Variants in ACTR3C observed in about 807,000 individuals in gnomAD.
The protein encoded by ACTR3C is actin related protein 3C.
In ACTR3C, 18 loss-of-function variants were observed where a neutral mutation model predicts 26.3. The ratio of observed to expected loss-of-function variants is 0.68; its 90% confidence interval spans 0.47 to 1.01. The LOEUF is 1.01. Ranked by LOEUF, ACTR3C falls within the 50% of genes least tolerant of loss-of-function variation. The pLI is 0.00. For synonymous variants in ACTR3C, 55 were observed against 94.5 expected (o/e 0.58, Z 2.42); for missense variants, 184 against 250.7 (o/e 0.73, Z 1.80).
chr7:150,159,048 C>CTCAGGCACACACACACA, the ACTR3C span, among the ~76,000 whole-genome samples: 1 of 149,262 alleles, frequency 6.7e-6, no homozygotes, highest in Non-Finnish European at 1.5e-5. Context: ...AGGCACACAC[C>CTCAGGCACACACACACA]GTGGCAACAA....
chr7:150,072,991 A>G, the ACTR3C span, among the ~76,000 whole-genome samples: 2 of 152,252 alleles, frequency 1.3e-5, no homozygotes, highest in Non-Finnish European at 2.9e-5. Context: ...TGAAAACCAC[A>G]GCGGAGGAAA....
At chr7:149,974,849 T>C in the ACTR3C span, among the ~76,000 whole-genome samples, 1 of 151,900 alleles carries the variant, frequency 6.6e-6, no homozygotes, top group African/African-American at 2.4e-5. Context: ...ATTACTATAA[T>C]TGTGAGAAAT....
chr7:150,020,595 C>A, the ACTR3C span, among the ~76,000 whole-genome samples: 2 of 151,972 alleles, frequency 1.3e-5, no homozygotes, highest in African/African-American at 4.8e-5. Flanking sequence ...CCACACCTGG[C>A]TATCAGTGGA....
the ACTR3C span, among the ~76,000 whole-genome samples, chr7:150,099,816 A>G: frequency 2.0e-5 from 3 of 151,468 alleles, no homozygotes; most frequent in Admixed American, 6.6e-5. Flanking sequence ...TAAAGCCTGG[A>G]GTCCATCAGT....
the ACTR3C span, among the ~76,000 whole-genome samples, chr7:150,046,528 G>A: frequency 1.5e-4 from 23 of 150,612 alleles, no homozygotes; most frequent in African/African-American, 5.7e-4. Context: ...GCGGTTCCCA[G>A]GTTGAGCAGT....
rs1301583586 is a variant in ACTR3C at position 150,322,314 on chromosome 7, C to G, written c.-52+1155G>C. 3.9e-5 allele frequency among the ~76,000 whole-genome samples: 6 copies of G among 152,214 alleles called. No individual in the cohort carries two copies. In the South Asian group the frequency reaches 1.2e-3, roughly 31 times the overall value. ...AGGCATTCTAAGTCACAGGATGAGA[C>G]AGAAGGTTGGCACAAGATACAGGTC... On this transcript the variant is annotated intron_variant, in intron 1 of 7. Transcript: ENST00000683684.
chr7:149,961,727 G>T, the ACTR3C span, among the ~76,000 whole-genome samples: 14 of 152,266 alleles, frequency 9.2e-5, no homozygotes, highest in East Asian at 9.7e-4. Context: ...GGAAGTGTGT[G>T]CTCAGAGGAA....
the ACTR3C span, among the ~76,000 whole-genome samples, chr7:149,956,186 T>A: frequency 9.9e-5 from 15 of 152,186 alleles, no homozygotes; most frequent in Non-Finnish European, 1.8e-4. Context: ...CTCTAAGGAT[T>A]TAGATCATGT....
the ACTR3C span, among the ~76,000 whole-genome samples, chr7:150,166,816 T>A: frequency 2.7e-5 from 4 of 150,786 alleles, no homozygotes; most frequent in African/African-American, 1.0e-4. Context: ...CCTCAACACC[T>A]TTCCCAGCCT....
At chr7:150,204,014 T>A in the ACTR3C span, among the ~76,000 whole-genome samples, 2 of 149,290 alleles carry the variant, frequency 1.3e-5, no homozygotes, top group African/African-American at 5.0e-5. Context: ...AACCTCCAAA[T>A]AGAGAGTGAG....
intron 6 of ACTR3C, among the ~76,000 whole-genome samples, chr7:150,273,246 A>C (rs1834586841): frequency 7.1e-6 from 1 of 141,380 alleles, no homozygotes; most frequent in Non-Finnish European, 1.5e-5. Context: ...AGCATACATC[A>C]CTGCTTTATT....
chr7:150,314,239 T>C (rs1282679616), intron 1 of ACTR3C, among the ~76,000 whole-genome samples: 2 of 152,242 alleles, frequency 1.3e-5, no homozygotes, highest in Non-Finnish European at 2.9e-5. Context: ...GTGACCAGTT[T>C]TGTAGAACAG....
At chr7:149,890,969 A>G in the ACTR3C span, 6 of 277,242 alleles carry the variant, frequency 2.2e-5, no homozygotes, top group African/African-American at 1.3e-4. Context: ...TGCTAAAACA[A>G]CAGCCCTAGA....
At chr7:150,313,234 T>C (rs1563208836) in intron 1 of ACTR3C, among the ~76,000 whole-genome samples, 1 of 152,190 alleles carries the variant, frequency 6.6e-6, no homozygotes, top group East Asian at 1.9e-4. Flanking sequence ...TAAATAGCCT[T>C]ACTGCTCACA....
the ACTR3C span, among the ~76,000 whole-genome samples, chr7:150,109,410 A>T: frequency 2.6e-5 from 4 of 151,366 alleles, no homozygotes; most frequent in Non-Finnish European, 5.9e-5. Context: ...ATATATAAGT[A>T]TTTTTTTTTA....
intron 6 of ACTR3C, among the ~76,000 whole-genome samples, chr7:150,271,004 A>C (rs1834408356): frequency 6.6e-6 from 1 of 151,292 alleles, no homozygotes; most frequent in African/African-American, 2.5e-5. Context: ...GCAGAACACA[A>C]CACCATCAAC....
chr7:150,199,618 AAAAAAAAAAATAAATAAAAAT>A, the ACTR3C span, among the ~76,000 whole-genome samples: 2 of 129,304 alleles, frequency 1.5e-5, no homozygotes, highest in Non-Finnish European at 3.2e-5. Context: ...AATAAATTTA[AAAAAAAAAAATAAATAAAAAT>A]AAAAAAAAAT....
At chr7:150,315,531 G>A (rs923053930) in intron 1 of ACTR3C, among the ~76,000 whole-genome samples, 12 of 152,256 alleles carry the variant, frequency 7.9e-5, no homozygotes, top group African/African-American at 2.6e-4. Context: ...TACATTGTAC[G>A]TTTTATATAC....
At chr7:150,112,060 T>G in the ACTR3C span, among the ~76,000 whole-genome samples, 49 of 149,556 alleles carry the variant, frequency 3.3e-4, 1 homozygote, top group South Asian at 9.5e-3. Context: ...GGAGGCTAGA[T>G]CATTCCTCAT....
Sources: gnomAD v4.1 joint callset for allele counts (sites outside exome capture counted in the v4.1 genomes callset) on GRCh38, gnomAD v4.1.1 for gene constraint, MANE v1.5 for transcripts, NCBI Gene and HGNC (gene_info 2026-07-23, HGNC 2026-07-21) for gene names.